Variants in RBFOX3 observed in about 807,000 individuals in gnomAD.
RBFOX3 encodes the protein RNA binding fox-1 homolog 3.
A neutral mutation model predicts 48.7 loss-of-function variants in RBFOX3; 17 were observed. The observed-to-expected ratio is 0.35, with a 90% CI of 0.24 to 0.52. The LOEUF (loss-of-function observed/expected upper bound fraction) is 0.52. RBFOX3 is among the 20% of genes least tolerant of loss of function. The pLI, the probability that RBFOX3 is intolerant of heterozygous loss-of-function variation, is 0.94. For synonymous variants in RBFOX3, 212 were observed against 209.5 expected, an observed-to-expected ratio of 1.01 and a Z score of -0.10; for missense variants, 382 against 497.5, an observed-to-expected ratio of 0.77 and a Z score of 2.21.
intron 4 of RBFOX3, chr17:79,233,654 C>G (rs2061297409): frequency 6.6e-6 from 1 of 151,854 alleles, no homozygotes; most frequent in South Asian, 2.1e-4. Context: ...GTTGCCCAGG[C>G]TGGAGTAAGT....
intron 2 of RBFOX3, among the ~76,000 whole-genome samples, chr17:79,396,669 T>C (rs1855249444): frequency 6.6e-6 from 1 of 152,206 alleles, no homozygotes; most frequent in South Asian, 2.1e-4. Context: ...AGGAGGGCTG[T>C]CATTGTCCAG....
At chr17:79,492,481 C>T (rs1410922980) in intron 1 of RBFOX3, among the ~76,000 whole-genome samples, 1 of 152,254 alleles carries the variant, frequency 6.6e-6, no homozygotes, top group Admixed American at 6.5e-5. Context: ...AGAGAGGCCA[C>T]CTGGAGAGGA....
intron 2 of RBFOX3, among the ~76,000 whole-genome samples, chr17:79,467,483 G>T (rs1394721263): frequency 1.1e-4 from 17 of 152,172 alleles, no homozygotes; most frequent in Admixed American, 1.0e-3. Flanking sequence ...GGATGTTGAG[G>T]ACATGAGGCC....
chr17:79,261,836 T>C (rs965568005), intron 3 of RBFOX3, among the ~76,000 whole-genome samples: 2 of 152,152 alleles, frequency 1.3e-5, no homozygotes, highest in Middle Eastern at 3.2e-3. Flanking sequence ...TCCTGTTTCT[T>C]GGCAGCTTCT....
At chr17:79,537,172 T>C (rs2088943097) in intron 1 of RBFOX3, among the ~76,000 whole-genome samples, 1 of 149,298 alleles carries the variant, frequency 6.7e-6, no homozygotes, top group Admixed American at 6.6e-5. Flanking sequence ...CAGTTCAGAG[T>C]CTGAAATCAA....
intron 2 of RBFOX3, among the ~76,000 whole-genome samples, chr17:79,463,117 TGCCATCGCCACC>T (rs1279349418): frequency 9.0e-6 from 1 of 111,366 alleles, no homozygotes; most frequent in African/African-American, 3.5e-5. Context: ...CCATCGCCAC[TGCCATCGCCACC>T]GCCACTGCCA....
intron 2 of RBFOX3, among the ~76,000 whole-genome samples, chr17:79,319,238 C>T (rs1015111175): frequency 2.6e-5 from 4 of 152,008 alleles, no homozygotes; most frequent in Admixed American, 6.6e-5. Flanking sequence ...ATATTGGAGC[C>T]GGGAAGGAAG....
intron 1 of RBFOX3, among the ~76,000 whole-genome samples, chr17:79,552,077 T>C (rs1433560393): frequency 6.6e-6 from 1 of 152,206 alleles, no homozygotes; most frequent in Non-Finnish European, 1.5e-5. Context: ...CCAAGGACAA[T>C]ATTTTGAACA....
intron 3 of RBFOX3, among the ~76,000 whole-genome samples, chr17:79,271,232 T>C (rs780748418): frequency 1.4e-4 from 21 of 152,266 alleles, no homozygotes; most frequent in African/African-American, 4.1e-4. Flanking sequence ...CCCGTCACCA[T>C]GCCCTGCTAA....
intron 2 of RBFOX3, among the ~76,000 whole-genome samples, chr17:79,380,153 G>A (rs1475351122): frequency 2.2e-5 from 3 of 139,380 alleles, no homozygotes; most frequent in Non-Finnish European, 4.7e-5. Flanking sequence ...AACCCTCCCC[G>A]TCTGGCTCCC....
intron 2 of RBFOX3, among the ~76,000 whole-genome samples, chr17:79,416,538 G>A (rs536380617): frequency 7.9e-5 from 12 of 152,368 alleles, no homozygotes; most frequent in Non-Finnish European, 1.5e-4. Flanking sequence ...TGGCCCCTGC[G>A]ATGGCGTGAC....
intron 1 of RBFOX3, among the ~76,000 whole-genome samples, chr17:79,610,209 T>G (rs2093939874): frequency 6.6e-6 from 1 of 151,674 alleles, no homozygotes. Context: ...TCCCCACAAC[T>G]CCTTTGGGTC....
intron 3 of RBFOX3, among the ~76,000 whole-genome samples, chr17:79,250,575 A>G (rs1440346698): frequency 1.3e-5 from 2 of 152,208 alleles, no homozygotes; most frequent in East Asian, 3.9e-4. Flanking sequence ...CCGATACTCA[A>G]TGAACATTTG....
At chr17:79,206,170 C>A (rs571812084) in intron 4 of RBFOX3, among the ~76,000 whole-genome samples, 1 of 152,268 alleles carries the variant, frequency 6.6e-6, no homozygotes, top group Admixed American at 6.5e-5. Context: ...TCTGGAACAT[C>A]CCCTTGAAGA....
intron 2 of RBFOX3, among the ~76,000 whole-genome samples, chr17:79,407,191 A>T (rs2063663162): frequency 6.6e-6 from 1 of 152,208 alleles, no homozygotes; most frequent in Admixed American, 6.5e-5. Context: ...TATTTTTAGT[A>T]GAGACGGGGT....
intron 2 of RBFOX3, among the ~76,000 whole-genome samples, chr17:79,431,582 T>G (rs1408003909): frequency 6.6e-6 from 1 of 150,776 alleles, no homozygotes; most frequent in Non-Finnish European, 1.5e-5. Flanking sequence ...CCTCCTGGGT[T>G]CAAGTGATTC....
At chr17:79,357,886 T>G (rs139970706) in intron 2 of RBFOX3, among the ~76,000 whole-genome samples, 1 of 143,172 alleles carries the variant, frequency 7.0e-6, no homozygotes, top group East Asian at 2.0e-4. Flanking sequence ...TAAATTGAAG[T>G]TTTTTTTTTA....
chr17:79,110,920 C>T (rs7223091), intron 5 of RBFOX3, among the ~76,000 whole-genome samples: 35,250 of 152,236 alleles, frequency 0.23, 4,578 homozygotes, highest in African/African-American at 0.34. Flanking sequence ...CTCTTCCGCC[C>T]TTCTCAGGCC....
chr17:79,619,520 G>C, the RBFOX3 span, among the ~76,000 whole-genome samples: 1 of 152,164 alleles, frequency 6.6e-6, no homozygotes, highest in Non-Finnish European at 1.5e-5. Flanking sequence ...CTTTGTACAA[G>C]GGCAGCAGTC....
Sources: allele counts gnomAD v4.1 joint callset (sites outside exome capture counted in the v4.1 genomes callset), GRCh38; gene constraint gnomAD v4.1.1; transcripts MANE v1.5; gene names NCBI Gene and HGNC (gene_info 2026-07-23, HGNC 2026-07-21).